Variants in LYPD6B observed in about 807,000 individuals in gnomAD.
LYPD6B encodes the protein LY6/PLAUR domain containing 6B.
A neutral mutation model predicts 22.8 loss-of-function variants in LYPD6B; 17 were observed. That is an observed-to-expected ratio of 0.75 (90% confidence interval 0.51 to 1.12). LYPD6B has a LOEUF of 1.12. Among genes scored for constraint, LYPD6B ranks in the 50% most tolerant of loss-of-function variants. The probability of loss-of-function intolerance (pLI) is 0.00; values close to 1 mark genes in which losing one functional copy is unlikely to be tolerated. For synonymous variants in LYPD6B, 106 were observed against 91.6 expected (o/e 1.16, Z -0.90); for missense variants, 221 against 258.3 (o/e 0.86, Z 0.99).
At chr2:149,180,748 T>G (rs1691661889) in intron 3 of LYPD6B, among the ~76,000 whole-genome samples, 1 of 152,176 alleles carries the variant, frequency 6.6e-6, no homozygotes, top group Non-Finnish European at 1.5e-5. Flanking sequence ...CTGTCCTGGT[T>G]AGGACATCTG....
intron 3 of LYPD6B, among the ~76,000 whole-genome samples, chr2:149,171,967 TTCC>T (rs10555889): frequency 0.31 from 46,897 of 151,852 alleles, 8,978 homozygotes; most frequent in East Asian, 0.55. Flanking sequence ...TTTGGCTCAT[TTCC>T]TCCTCATTTT....
At chr2:149,164,588 C>T (rs1221393585) in intron 3 of LYPD6B, among the ~76,000 whole-genome samples, 2 of 152,166 alleles carry the variant, frequency 1.3e-5, no homozygotes, top group African/African-American at 4.8e-5. Flanking sequence ...TATTCTATTG[C>T]AGACTAAAAG....
intron 3 of LYPD6B, among the ~76,000 whole-genome samples, chr2:149,202,210 C>G (rs1693206894): frequency 2.0e-5 from 3 of 152,162 alleles, no homozygotes; most frequent in South Asian, 4.2e-4. Flanking sequence ...AAAAAGCATT[C>G]TTGGCATTTT....
chr2:149,147,133 C>T (rs76744933), intron 2 of LYPD6B, among the ~76,000 whole-genome samples: 18,310 of 152,170 alleles, frequency 0.12, 1,453 homozygotes, highest in Non-Finnish European at 0.16. Flanking sequence ...CCTTGCTTTG[C>T]CCAAGGCCCT....
At chr2:149,194,531 T>C (rs1255176261) in intron 3 of LYPD6B, among the ~76,000 whole-genome samples, 1 of 152,188 alleles carries the variant, frequency 6.6e-6, no homozygotes, top group Non-Finnish European at 1.5e-5. Context: ...CTGTATTGTA[T>C]TATAGGCCTA....
In LYPD6B at chr2:149,084,077, C is replaced by T. The variant is rs145430962; in HGVS notation, c.-67+45276C>T. On this transcript the variant is annotated intron_variant, in intron 1 of 6. Coordinates refer to ENST00000409642, the MANE Select transcript of LYPD6B (RefSeq NM_177964.5). The stretch of plus-strand genomic sequence containing the variant: ...TTGCACTGCTGCACTCCTGCCTGGG[C>T]GACAGAGCGAGACTCCATCTCAAAA... Among the ~76,000 whole-genome samples, 33 of 151,810 alleles carry T rather than the reference C, an allele frequency of 2.2e-4. No individual in the cohort carries two copies. In the East Asian group the frequency reaches 5.3e-3, roughly 24 times the overall value.
At chr2:149,057,145 A>G (rs1683840996) in intron 1 of LYPD6B, among the ~76,000 whole-genome samples, 1 of 152,138 alleles carries the variant, frequency 6.6e-6, no homozygotes, top group Non-Finnish European at 1.5e-5. Flanking sequence ...CGTATGACTC[A>G]TGTATTTTCA....
chr2:149,105,666 C>G lies in LYPD6B; in HGVS notation c.-66-25217C>G, dbSNP rs773771579. Among the ~76,000 whole-genome samples, 20 of 152,254 alleles carry G rather than the reference C, an allele frequency of 1.3e-4. No homozygotes were observed. The Middle Eastern group carries it at 0.01, about 78-fold the overall frequency. On this transcript the variant is annotated intron_variant, in intron 1 of 6. Transcript: ENST00000409642. ...TATTTATCTTACTGCATCCTACAGA[C>G]TGACTAAAGTCATTTAGTAGTACTA...
At chr2:149,066,148 A>G (rs1684316175) in intron 1 of LYPD6B, among the ~76,000 whole-genome samples, 1 of 149,202 alleles carries the variant, frequency 6.7e-6, no homozygotes, top group South Asian at 2.2e-4. Flanking sequence ...TCTATTAACC[A>G]TTATTTGTTT....
At chr2:149,183,165 A>G (rs1261733291) in intron 3 of LYPD6B, among the ~76,000 whole-genome samples, 2 of 152,174 alleles carry the variant, frequency 1.3e-5, no homozygotes, top group African/African-American at 4.8e-5. Context: ...AGCTTGATGT[A>G]TCTACTGTAC....
At chr2:149,056,047 C>T (rs1051755430) in intron 1 of LYPD6B, among the ~76,000 whole-genome samples, 3 of 152,152 alleles carry the variant, frequency 2.0e-5, no homozygotes, top group African/African-American at 7.2e-5. Flanking sequence ...GGGCTGATTT[C>T]TCCTAGGGAA....
intron 1 of LYPD6B, among the ~76,000 whole-genome samples, chr2:149,061,958 A>G (rs1684101488): frequency 6.6e-6 from 1 of 151,954 alleles, no homozygotes; most frequent in African/African-American, 2.4e-5. Flanking sequence ...TAGGAAGGAG[A>G]AACATCGTAG....
In LYPD6B at chr2:149,197,302, A is replaced by G. The variant is rs529618775; in HGVS notation, c.78-7951A>G. On this transcript the variant is annotated intron_variant, in intron 3 of 6. Transcript: ENST00000409642. ...ACCGAGGCGGGCAGATCACAAGGTC[A>G]AGAGATCGAGACCATCCTGGCCAAC... is the stretch of plus-strand genomic sequence containing the variant. Among the ~76,000 whole-genome samples the G allele has an allele frequency of 7.9e-5, 12 of 152,312 alleles. No homozygotes were observed. In the South Asian group the frequency reaches 2.5e-3, roughly 32 times the overall value.
intron 1 of LYPD6B, among the ~76,000 whole-genome samples, chr2:149,126,904 A>G (rs1342839638): frequency 4.1e-5 from 6 of 147,252 alleles, no homozygotes; most frequent in African/African-American, 1.5e-4. Flanking sequence ...CCATATCTTT[A>G]TCTTTCTCTC....
chr2:149,130,757 T>A, intron 1 of LYPD6B, 126 bp from the exon 2 acceptor site: 1 of 514,818 alleles, frequency 1.9e-6, no homozygotes. Flanking sequence ...TAGGAAAGGT[T>A]ATTGAGCCTA....
At chr2:149,088,323 G>A in intron 1 of LYPD6B, among the ~76,000 whole-genome samples, 1 of 152,182 alleles carries the variant, frequency 6.6e-6, no homozygotes, top group East Asian at 1.9e-4. Flanking sequence ...TTTCAGTGTA[G>A]GCTAGGGTAC....
chr2:149,079,005 CTTT>C (rs201949554), intron 1 of LYPD6B, among the ~76,000 whole-genome samples: 1 of 129,582 alleles, frequency 7.7e-6, no homozygotes. Context: ...GAGATCCTGT[CTTT>C]TTTTTTTTTT....
chr2:149,065,460 T>C (rs559041946), intron 1 of LYPD6B, among the ~76,000 whole-genome samples: 1 of 152,346 alleles, frequency 6.6e-6, no homozygotes, highest in Admixed American at 6.5e-5. Flanking sequence ...GCTCCTGCTT[T>C]AGAACTCTGA....
chr2:149,098,615 GA>G (rs1274024056), intron 1 of LYPD6B, among the ~76,000 whole-genome samples: 1 of 65,624 alleles, frequency 1.5e-5, no homozygotes, highest in Non-Finnish European at 3.3e-5. Flanking sequence ...TGACAAGAGT[GA>G]AACTCTGTCT....
Sources: gnomAD v4.1 joint callset for allele counts (sites outside exome capture counted in the v4.1 genomes callset) on GRCh38, gnomAD v4.1.1 for gene constraint, MANE v1.5 for transcripts, NCBI Gene and HGNC (gene_info 2026-07-23, HGNC 2026-07-21) for gene names.